Variants in KCNQ1OT1 observed in about 807,000 individuals in gnomAD.
KCNQ1OT1 encodes the protein KCNQ1 antisense RNA 2 (non-protein coding).
At position 2,626,918 on chromosome 11, in the gene KCNQ1OT1, T is replaced by G. The variant is rs1268743410; in HGVS notation, n.73077A>C. On this transcript the variant is annotated non_coding_transcript_exon_variant, in exon 1 of 1. Coordinates refer to ENST00000597346, the Ensembl canonical transcript of KCNQ1OT1. This position sits in a 1 kb window ranked among gnomAD's most constrained non-coding sequence, Gnocchi z 4.0. ...TTAGCTATTCAAGGTCCCTTGAGAT[T>G]CCATGTGAATTTTAGGATGGGGTTT... 2.5e-6 allele frequency: 1 copy of G among 398,546 alleles called. No individual in the cohort carries two copies. Among genetic ancestry groups the G allele is most frequent in the African/African-American group, 2.1e-5 (1 of 48,648 alleles). 24.7% of individuals were successfully genotyped at this position (398,546 alleles called of 1,614,324 possible). A position where few individuals can be genotyped will look rare whatever the true frequency, so the allele number is the denominator to read the frequency against.
exon 1 of KCNQ1OT1, chr11:2,649,099 G>T: frequency 2.5e-6 from 1 of 393,568 alleles, no homozygotes; most frequent in Non-Finnish European, 4.4e-6. Context: ...GTCTATGGGT[G>T]TCTTTACAGG....
At position 2,617,403 on chromosome 11, in the gene KCNQ1OT1, T is replaced by C. The variant is rs1330223232; in HGVS notation, n.82592A>G. On this transcript the variant is annotated non_coding_transcript_exon_variant, in exon 1 of 1. Coordinates refer to ENST00000597346, the Ensembl canonical transcript of KCNQ1OT1. This position sits in a 1 kb window ranked among gnomAD's most constrained non-coding sequence, Gnocchi z 4.6. ...TTCATCCATGTGGCAAGTGGCAGGA[T>C]CTCCTTTTTTAATGCGGAATAATAT... is the stretch of plus-strand genomic sequence containing the variant. 2.5e-6 allele frequency: 1 copy of C among 398,326 alleles called. No individual in the cohort carries two copies. Among genetic ancestry groups the C allele is most frequent in the African/African-American group, 2.1e-5 (1 of 48,636 alleles). The allele number at this position is 398,326 out of a possible 1,614,324, so 24.7% of individuals were successfully genotyped here. A position where few individuals can be genotyped will look rare whatever the true frequency, so the allele number is the denominator to read the frequency against.
exon 1 of KCNQ1OT1, chr11:2,699,614 A>AGAGAACCGCGCCTAAGAACCCCCGGG (rs1850746797): frequency 4.3e-6 from 1 of 231,506 alleles, no homozygotes; most frequent in Non-Finnish European, 7.0e-6. Flanking sequence ...AGGCCCCCGG[A>AGAGAACCGCGCCTAAGAACCCCCGGG]GAGAACCGCG....
In KCNQ1OT1 at chr11:2,659,071, G is replaced by A. The variant is rs1849903290; in HGVS notation, n.40924C>T. 1 of 398,386 alleles carries A rather than the reference G, an allele frequency of 2.5e-6. No individual in the cohort carries two copies. Among genetic ancestry groups the A allele is most frequent in the Non-Finnish European group, 4.4e-6 (1 of 226,038 alleles). 24.7% of individuals were successfully genotyped at this position (398,386 alleles called of 1,614,324 possible). A position where few individuals can be genotyped will look rare whatever the true frequency, so the allele number is the denominator to read the frequency against. ...ATTTGTTTGTAACACGCTCATCATA[G>A]TCTGCTTTTCATCGTAGGGTCCTCC... On this transcript the variant is annotated non_coding_transcript_exon_variant, in exon 1 of 1. Coordinates refer to ENST00000597346, the Ensembl canonical transcript of KCNQ1OT1. This position sits in a 1 kb window ranked among gnomAD's most constrained non-coding sequence, Gnocchi z 4.3.
At chr11:2,640,182 C>A (rs1015422531) in exon 1 of KCNQ1OT1, 1 of 387,306 alleles carries the variant, frequency 2.6e-6, no homozygotes, top group Non-Finnish European at 4.6e-6. Flanking sequence ...CGCCCTACTT[C>A]GTCTCACACT....
Position 2,670,788 on chromosome 11 carries a change from T to C in KCNQ1OT1, n.29207A>G. On this transcript the variant is annotated non_coding_transcript_exon_variant, in exon 1 of 1. Coordinates refer to ENST00000597346, the Ensembl canonical transcript of KCNQ1OT1. This position sits in a 1 kb window ranked among gnomAD's most constrained non-coding sequence, Gnocchi z 4.9. Reference sequence around the variant, plus strand: ...TTGTGGCTGCCCTCTGCAATAAGAATTCTTCAAGTTCAGCCTCTATGTGCA... The same window carrying C: ...TTGTGGCTGCCCTCTGCAATAAGAACTCTTCAAGTTCAGCCTCTATGTGCA... 2 of 398,522 alleles carry C rather than the reference T, an allele frequency of 5.0e-6. No individual in the cohort carries two copies. The highest frequency in any genetic ancestry group is 7.1e-5 in the East Asian group (2 of 28,068). 24.7% of individuals were successfully genotyped at this position (398,522 alleles called of 1,614,324 possible).
At chr11:2,693,653 T>C (rs898209918) in exon 1 of KCNQ1OT1, 3 of 398,496 alleles carry the variant, frequency 7.5e-6, no homozygotes, top group Non-Finnish European at 1.3e-5. Context: ...GGAGAAAGGC[T>C]TTTAGTTCCG....
chr11:2,664,595 A>AC lies in KCNQ1OT1; in HGVS notation n.35399dup, dbSNP rs773625673. 2.3e-5 allele frequency: 9 copies of AC among 398,422 alleles called. No homozygotes were observed. The highest frequency in any genetic ancestry group is 4.0e-5 in the Non-Finnish European group (9 of 226,102). 24.7% of individuals were successfully genotyped at this position (398,422 alleles called of 1,614,324 possible). The stretch of plus-strand genomic sequence containing the variant: ...GCCCGCATTGGGGCTGCATTCCTCC[A>AC]CCTCCTGCACAGCCCGCCCAGTGAT... On this transcript the variant is annotated non_coding_transcript_exon_variant, in exon 1 of 1. Coordinates refer to ENST00000597346, the Ensembl canonical transcript of KCNQ1OT1. The surrounding 1 kb of genome is among the most constrained non-coding windows in gnomAD (Gnocchi z 5.1).
rs151197668 is a variant in KCNQ1OT1 at position 2,687,120 on chromosome 11, T to A, written n.12875A>T. The A allele has an allele frequency of 3.5e-5, 14 of 398,590 alleles. No homozygotes were observed. Among genetic ancestry groups the A allele is most frequent in the African/African-American group, 2.7e-4 (13 of 48,724 alleles). 24.7% of individuals were successfully genotyped at this position (398,590 alleles called of 1,614,324 possible). On this transcript the variant is annotated non_coding_transcript_exon_variant, in exon 1 of 1. Coordinates refer to ENST00000597346, the Ensembl canonical transcript of KCNQ1OT1. This position sits in a 1 kb window ranked among gnomAD's most constrained non-coding sequence, Gnocchi z 5.0. ...GACAAGTACACCTTGACACACAAAC[T>A]GCACAGGGAGGGGAGGAATCTGAGC... is the stretch of plus-strand genomic sequence containing the variant.
chr11:2,669,511 G>A lies in KCNQ1OT1; in HGVS notation n.30484C>T, dbSNP rs1407225235. The A allele has an allele frequency of 2.5e-6, 1 of 398,622 alleles. No individual in the cohort carries two copies. The highest frequency in any genetic ancestry group is 4.4e-6 in the Non-Finnish European group (1 of 226,064). 24.7% of individuals were successfully genotyped at this position (398,622 alleles called of 1,614,324 possible). A position where few individuals can be genotyped will look rare whatever the true frequency, so the allele number is the denominator to read the frequency against. On this transcript the variant is annotated non_coding_transcript_exon_variant, in exon 1 of 1. Transcript: ENST00000597346. The surrounding 1 kb of genome is among the most constrained non-coding windows in gnomAD (Gnocchi z 5.6). ...CAGATTCATTCCTTGTCAGCTAATG[G>A]TTTGATGTATGTTCGCTGAATCCAG...
chr11:2,633,363 G>A (rs1849396119), exon 1 of KCNQ1OT1: 1 of 398,236 alleles, frequency 2.5e-6, no homozygotes, highest in African/African-American at 2.1e-5. Flanking sequence ...TTATGTGTAG[G>A]TTTTTAGTTT....
exon 1 of KCNQ1OT1, chr11:2,614,764 G>A: frequency 2.5e-6 from 1 of 398,432 alleles, no homozygotes. Context: ...AGACCACATT[G>A]TGTCAGTACC....
exon 1 of KCNQ1OT1, chr11:2,667,210 C>A (rs893026530): frequency 2.0e-5 from 8 of 398,780 alleles, no homozygotes; most frequent in Non-Finnish European, 3.1e-5. Flanking sequence ...CCCGTGGCCC[C>A]CTAACCTTTC....
Position 2,647,923 on chromosome 11 carries a change from C to A in KCNQ1OT1, n.52072G>T. On this transcript the variant is annotated non_coding_transcript_exon_variant, in exon 1 of 1. Coordinates refer to ENST00000597346, the Ensembl canonical transcript of KCNQ1OT1. This position sits in a 1 kb window ranked among gnomAD's most constrained non-coding sequence, Gnocchi z 4.0. ...TATTGATTTTCTCTTTTCAAAAAAT[C>A]AGTTTTTTGGCTGGGTTTGTTGGCT... is the stretch of plus-strand genomic sequence containing the variant. 2.5e-6 allele frequency: 1 copy of A among 398,180 alleles called. No homozygotes were observed. Among genetic ancestry groups the A allele is most frequent in the South Asian group, 1.3e-4 (1 of 7,772 alleles). The allele number at this position is 398,180 out of a possible 1,614,324, so 24.7% of individuals were successfully genotyped here. A position where few individuals can be genotyped will look rare whatever the true frequency, so the allele number is the denominator to read the frequency against.
chr11:2,655,430 C>T, exon 1 of KCNQ1OT1: 1 of 398,758 alleles, frequency 2.5e-6, no homozygotes, highest in Non-Finnish European at 4.4e-6. Context: ...GGGCCAGCCA[C>T]TCTAGGCAGT....
rs1848985831 is a variant in KCNQ1OT1 at position 2,612,017 on chromosome 11, T to C, written n.87978A>G. Reference sequence around the variant, plus strand: ...TAACACATATGTTGTTACTCCTTAATTCCACATATGTTTTCTACTCTTAAT... The same window carrying C: ...TAACACATATGTTGTTACTCCTTAACTCCACATATGTTTTCTACTCTTAAT... On this transcript the variant is annotated non_coding_transcript_exon_variant, in exon 1 of 1. Coordinates refer to ENST00000597346, the Ensembl canonical transcript of KCNQ1OT1. The surrounding 1 kb of genome is among the most constrained non-coding windows in gnomAD (Gnocchi z 5.5). 3.5e-5 allele frequency: 14 copies of C among 398,650 alleles called. No individual in the cohort carries two copies. In the East Asian group the frequency reaches 5.0e-4, roughly 14 times the overall value. The allele number at this position is 398,650 out of a possible 1,614,324, so 24.7% of individuals were successfully genotyped here.
In KCNQ1OT1 at chr11:2,621,129, C is replaced by A. The variant is rs1466654088; in HGVS notation, n.78866G>T. 5.0e-6 allele frequency: 2 copies of A among 397,134 alleles called. No homozygotes were observed. The highest frequency in any genetic ancestry group is 8.9e-6 in the Non-Finnish European group (2 of 225,836). The allele number at this position is 397,134 out of a possible 1,614,324, so 24.6% of individuals were successfully genotyped here. ...AGTAGCTGGGATTACAGGTGACCGC[C>A]ACCATACCTGGCTAATTTTTGTGTT... is the stretch of plus-strand genomic sequence containing the variant. On this transcript the variant is annotated non_coding_transcript_exon_variant, in exon 1 of 1. Transcript: ENST00000597346. This position sits in a 1 kb window ranked among gnomAD's most constrained non-coding sequence, Gnocchi z 5.7.
exon 1 of KCNQ1OT1, chr11:2,662,313 C>T (rs1424781534): frequency 8.5e-6 from 5 of 588,314 alleles, no homozygotes; most frequent in Non-Finnish European, 3.0e-6. Context: ...TTATGGAAAA[C>T]CAGACTGATC....
At position 2,663,081 on chromosome 11, in the gene KCNQ1OT1, G is replaced by C. The variant is rs764368435; in HGVS notation, n.36914C>G. The C allele has an allele frequency of 5.5e-5, 22 of 398,644 alleles. No individual in the cohort carries two copies. The highest frequency in any genetic ancestry group is 9.3e-5 in the Non-Finnish European group (21 of 226,178). The allele number at this position is 398,644 out of a possible 1,614,324, so 24.7% of individuals were successfully genotyped here. A position where few individuals can be genotyped will look rare whatever the true frequency, so the allele number is the denominator to read the frequency against. On this transcript the variant is annotated non_coding_transcript_exon_variant, in exon 1 of 1. Coordinates refer to ENST00000597346, the Ensembl canonical transcript of KCNQ1OT1. This position sits in a 1 kb window ranked among gnomAD's most constrained non-coding sequence, Gnocchi z 5.2. The stretch of plus-strand genomic sequence containing the variant: ...ACTGGCAGGGTTGGGTAGCCAGAAT[G>C]AGGCCACCTCCAGGGAAGGAGTGGC...
Sources: gnomAD v4.1 joint callset for allele counts on GRCh38, gnomAD v4.1.1 for gene constraint, Gnocchi (gnomAD v3.1) non-coding constraint, MANE v1.5 for transcripts, NCBI Gene and HGNC (gene_info 2026-07-23, HGNC 2026-07-21) for gene names.